Variants in PPP1R16B observed in about 807,000 individuals in gnomAD.
PPP1R16B encodes the protein protein phosphatase 1 regulatory subunit 16B.
In PPP1R16B, 14 loss-of-function variants were observed where a neutral mutation model predicts 61.7. That is an observed-to-expected ratio of 0.23 (90% CI 0.15 to 0.35). The LOEUF is 0.35. Ranked by LOEUF, PPP1R16B falls within the 10% of genes least tolerant of loss-of-function variation. PPP1R16B has a pLI of 1.00. For missense variants in PPP1R16B, 547 were observed against 752.5 expected (o/e 0.73, Z 3.19); for synonymous variants, 266 against 305.3 (o/e 0.87, Z 1.34).
intron 10 of PPP1R16B, among the ~76,000 whole-genome samples, chr20:38,916,209 A>AT (rs1601319296): frequency 6.6e-6 from 1 of 151,400 alleles, no homozygotes; most frequent in East Asian, 1.9e-4. Context: ...CTAAAAGGAG[A>AT]AAGCGAAGAA....
chr20:38,827,376 G>A (rs1332485126), intron 1 of PPP1R16B, among the ~76,000 whole-genome samples: 3 of 152,246 alleles, frequency 2.0e-5, no homozygotes, highest in Non-Finnish European at 4.4e-5. Flanking sequence ...CAAGATGCAT[G>A]AGTTGTTTCA....
At chr20:38,856,094 G>A (rs1047055124) in intron 2 of PPP1R16B, among the ~76,000 whole-genome samples, 1 of 151,050 alleles carries the variant, frequency 6.6e-6, no homozygotes, top group African/African-American at 2.4e-5. Flanking sequence ...TAACAAGCTG[G>A]GGGTGGCAAA....
intron 3 of PPP1R16B, among the ~76,000 whole-genome samples, chr20:38,890,634 G>A (rs764961457): frequency 1.3e-5 from 2 of 152,200 alleles, no homozygotes; most frequent in African/African-American, 4.8e-5. Flanking sequence ...CTACTCAGAC[G>A]CTGAGCTGCC....
At chr20:38,822,949 T>A (rs1209250729) in intron 1 of PPP1R16B, among the ~76,000 whole-genome samples, 1 of 152,160 alleles carries the variant, frequency 6.6e-6, no homozygotes, top group Non-Finnish European at 1.5e-5. Context: ...GCAATACCAC[T>A]TTCGTGGGGT....
chr20:38,887,118 A>G (rs2085251594), intron 2 of PPP1R16B, among the ~76,000 whole-genome samples: 1 of 151,978 alleles, frequency 6.6e-6, no homozygotes, highest in African/African-American at 2.4e-5. Context: ...GGATGGATGA[A>G]TGGATGCTGG....
rs1028324986 is a variant in PPP1R16B at position 38,806,899 on chromosome 20, G to T, written c.-102+1107G>T. ...GGCACCTCAGGAGCGGAGGGAGAGG[G>T]ATGTGGCTTCATCAGCGCTTCTAGG... On this transcript the variant is annotated intron_variant, in intron 1 of 10. Transcript: ENST00000299824. This position sits in a 1 kb window ranked among gnomAD's most constrained non-coding sequence, Gnocchi z 4.5. Among the ~76,000 whole-genome samples the T allele has an allele frequency of 1.3e-5, 2 of 152,178 alleles. No homozygotes were observed.
At chr20:38,850,465 T>C (rs573886236) in intron 2 of PPP1R16B, among the ~76,000 whole-genome samples, 30 of 152,366 alleles carry the variant, frequency 2.0e-4, no homozygotes, top group African/African-American at 6.7e-4. Flanking sequence ...TTCTACTCCA[T>C]ATCATTCATA....
At chr20:38,834,265 A>G (rs2084855290) in intron 1 of PPP1R16B, among the ~76,000 whole-genome samples, 2 of 152,050 alleles carry the variant, frequency 1.3e-5, no homozygotes, top group Non-Finnish European at 2.9e-5. Context: ...CCCACCCTGG[A>G]CTCCCAAAAT....
In PPP1R16B at chr20:38,918,575, C is replaced by T. The variant is rs369680647; in HGVS notation, c.1613C>T (p.Thr538Met). 2.0e-5 allele frequency: 30 copies of T among 1,538,224 alleles called. No individual in the cohort carries two copies. Among genetic ancestry groups the T allele is most frequent in the African/African-American group, 5.5e-5 (4 of 72,660 alleles). The stretch of plus-strand genomic sequence containing the variant: ...AGCAATGGGACCTCGGTATATTACA[C>T]GGTCACCAGCGGAGATCCCCCACTC... ...YSSNGTSVYY[T>M]VTSGDPPLLK... is the part of the protein sequence containing the mutation. Residue 538 changes from threonine to methionine, a missense_variant, in exon 11 of 11, where the codon ACG becomes ATG. Coordinates refer to ENST00000299824, the MANE Select transcript of PPP1R16B (RefSeq NM_015568.4). The surrounding 1 kb of genome is among the most constrained non-coding windows in gnomAD (Gnocchi z 5.3).
At chr20:38,809,674 A>G (rs1359430395) in intron 1 of PPP1R16B, among the ~76,000 whole-genome samples, 1 of 152,094 alleles carries the variant, frequency 6.6e-6, no homozygotes, top group Admixed American at 6.6e-5. Context: ...GAAGTGAGAC[A>G]CTGTGGATAA....
intron 1 of PPP1R16B, among the ~76,000 whole-genome samples, chr20:38,830,241 C>A (rs1338757679): frequency 6.6e-6 from 1 of 152,210 alleles, no homozygotes; most frequent in Non-Finnish European, 1.5e-5. Context: ...CTGCCTTTAC[C>A]CTGCTGCCTC....
intron 1 of PPP1R16B, among the ~76,000 whole-genome samples, chr20:38,809,550 A>G (rs2084684731): frequency 6.6e-6 from 1 of 152,126 alleles, no homozygotes; most frequent in Admixed American, 6.5e-5. Context: ...CACATGGCTC[A>G]GGCTGACCCA....
intron 3 of PPP1R16B, among the ~76,000 whole-genome samples, chr20:38,893,514 A>G (rs1412117562): frequency 1.3e-5 from 2 of 151,862 alleles, no homozygotes; most frequent in African/African-American, 4.8e-5. Context: ...GAGGGTGGGG[A>G]CAGCGATTTA....
intron 2 of PPP1R16B, among the ~76,000 whole-genome samples, chr20:38,874,755 T>G (rs2085154137): frequency 1.3e-5 from 2 of 152,154 alleles, no homozygotes; most frequent in African/African-American, 4.8e-5. Flanking sequence ...AGTTTGGCTC[T>G]CTCATACATT....
At chr20:38,872,549 C>A (rs78453872) in intron 2 of PPP1R16B, among the ~76,000 whole-genome samples, 1 of 152,102 alleles carries the variant, frequency 6.6e-6, no homozygotes, top group Admixed American at 6.5e-5. Context: ...TTGTTAGACA[C>A]CCCCCTCCTG....
At chr20:38,846,080 G>A (rs2084934122) in intron 2 of PPP1R16B, among the ~76,000 whole-genome samples, 1 of 152,158 alleles carries the variant, frequency 6.6e-6, no homozygotes, top group South Asian at 2.1e-4. Context: ...GCCACATTTT[G>A]AGACTGGGAA....
chr20:38,914,720 C>A (rs2085519357), intron 10 of PPP1R16B, among the ~76,000 whole-genome samples: 1 of 152,144 alleles, frequency 6.6e-6, no homozygotes, highest in Non-Finnish European at 1.5e-5. Flanking sequence ...TCAGGTTAGA[C>A]TGCAATGGTA....
intron 10 of PPP1R16B, among the ~76,000 whole-genome samples, chr20:38,908,958 C>A (rs759820462): frequency 6.6e-6 from 1 of 151,936 alleles, no homozygotes; most frequent in Non-Finnish European, 1.5e-5. Flanking sequence ...CTCCACATGA[C>A]CTTTTTCTTC....
chr20:38,811,289 T>C (rs546625600), intron 1 of PPP1R16B, among the ~76,000 whole-genome samples: 66 of 152,258 alleles, frequency 4.3e-4, no homozygotes, highest in African/African-American at 1.5e-3. Flanking sequence ...AGGCTTACAT[T>C]TCCTTTTACA....
Sources: allele counts gnomAD v4.1 joint callset (sites outside exome capture counted in the v4.1 genomes callset), GRCh38; gene constraint gnomAD v4.1.1; non-coding constraint Gnocchi (gnomAD v3.1); transcripts MANE v1.5; gene names NCBI Gene and HGNC (gene_info 2026-07-23, HGNC 2026-07-21).